Variants in KPNA6 observed in about 807,000 individuals in gnomAD.
KPNA6 encodes the protein importin subunit alpha-7.
In KPNA6, 9 loss-of-function variants were observed where a neutral mutation model predicts 72.0. The observed-to-expected ratio is 0.13, with a 90% CI of 0.08 to 0.22. KPNA6 has a LOEUF of 0.22. Among genes scored for constraint, KPNA6 ranks in the 10% least tolerant of loss-of-function variants. The pLI is 1.00. For missense variants in KPNA6, 374 were observed against 655.7 expected (o/e 0.57, Z 4.69); for synonymous variants, 219 against 242.1 (o/e 0.90, Z 0.89).
intron 1 of KPNA6, among the ~76,000 whole-genome samples, chr1:32,126,529 C>T (rs1053283208): frequency 2.0e-5 from 3 of 151,898 alleles, no homozygotes; most frequent in South Asian, 2.1e-4. Context: ...GGATTACAGG[C>T]GCCTGCCACT....
intron 1 of KPNA6, among the ~76,000 whole-genome samples, chr1:32,122,491 TGA>T (rs994627268): frequency 2.0e-5 from 3 of 151,228 alleles, no homozygotes. Flanking sequence ...AGCTAAGAAA[TGA>T]GAGAGGAGAG....
chr1:32,117,947 G>T (rs913766938), intron 1 of KPNA6, among the ~76,000 whole-genome samples: 2 of 151,690 alleles, frequency 1.3e-5, no homozygotes, highest in Non-Finnish European at 2.9e-5. Context: ...ATTTGATATG[G>T]AGTTTCGCTC....
chr1:32,165,720 G>A (rs570123503), intron 10 of KPNA6, among the ~76,000 whole-genome samples: 4 of 150,320 alleles, frequency 2.7e-5, no homozygotes, highest in Middle Eastern at 3.5e-3. Flanking sequence ...AAATGAAGCC[G>A]GGCACAGTGG....
chr1:32,154,490 G>C, intron 1 of KPNA6, 98 bp from the exon 2 acceptor site: 1 of 1,297,056 alleles, frequency 7.7e-7, no homozygotes, highest in African/African-American at 1.5e-5. Flanking sequence ...ATTCCCCCCA[G>C]AGTAGGGGAG....
chr1:32,137,887 C>A (rs889957452), intron 1 of KPNA6, among the ~76,000 whole-genome samples: 2 of 152,186 alleles, frequency 1.3e-5, no homozygotes, highest in African/African-American at 4.8e-5. Flanking sequence ...GTAGTCCCAG[C>A]ACATTTGGAG....
At chr1:32,137,392 C>CT (rs1487920674) in intron 1 of KPNA6, among the ~76,000 whole-genome samples, 3 of 152,120 alleles carry the variant, frequency 2.0e-5, no homozygotes, top group South Asian at 4.1e-4. Context: ...AGGCTGGTCT[C>CT]TAACTCCTGG....
chr1:32,164,104 G>C (rs193096017), intron 10 of KPNA6, among the ~76,000 whole-genome samples: 3 of 152,166 alleles, frequency 2.0e-5, no homozygotes, highest in Non-Finnish European at 2.9e-5. Context: ...TCTATTTTCT[G>C]TATCTGTGAG....
intron 1 of KPNA6, among the ~76,000 whole-genome samples, chr1:32,154,063 C>T (rs192582520): frequency 2.8e-4 from 43 of 151,984 alleles, no homozygotes; most frequent in Non-Finnish European, 5.7e-4. Flanking sequence ...AGGAGAATCA[C>T]GTGAGCCCAG....
chr1:32,165,507 GGAA>G lies in KPNA6; in HGVS notation c.991-595_991-593del, dbSNP rs561700720. Reference sequence around the variant, plus strand: ...AGTTTGAGACCAGCCCTGCAACATGGGAAGACCCTGTCTCTACAAAAAAAAAAA... The same window carrying G: ...AGTTTGAGACCAGCCCTGCAACATGGGACCCTGTCTCTACAAAAAAAAAAA... On this transcript the variant is annotated intron_variant, in intron 10 of 13. Transcript: ENST00000373625. Among the ~76,000 whole-genome samples, 772 of 151,972 alleles carry G rather than the reference GGAA, an allele frequency of 5.1e-3. 4 individuals are homozygous for G. Among genetic ancestry groups the G allele is most frequent in the Non-Finnish European group, 7.8e-3 (527 of 67,940 alleles).
At chr1:32,114,012 CTTAT>C (rs909356654) in intron 1 of KPNA6, among the ~76,000 whole-genome samples, 2 of 152,080 alleles carry the variant, frequency 1.3e-5, no homozygotes, top group African/African-American at 2.4e-5. Flanking sequence ...CTTCCAAACT[CTTAT>C]TTATGATATT....
intron 2 of KPNA6, among the ~76,000 whole-genome samples, chr1:32,156,188 T>TGCCTCC (rs1440545703): frequency 1.3e-5 from 2 of 152,116 alleles, no homozygotes; most frequent in Non-Finnish European, 2.9e-5. Flanking sequence ...CTGCTGCCTC[T>TGCCTCC]GCCTCCAAGT....
At chr1:32,130,025 A>G (rs1334183506) in intron 1 of KPNA6, among the ~76,000 whole-genome samples, 1 of 152,156 alleles carries the variant, frequency 6.6e-6, no homozygotes, top group African/African-American at 2.4e-5. Flanking sequence ...GTTATGCCTC[A>G]GTTTGCCTAC....
At chr1:32,136,765 G>C (rs1213464084) in intron 1 of KPNA6, among the ~76,000 whole-genome samples, 1 of 152,196 alleles carries the variant, frequency 6.6e-6, no homozygotes, top group East Asian at 1.9e-4. Context: ...GGAATAAGCA[G>C]AATGAGATTC....
chr1:32,119,006 A>G lies in KPNA6; in HGVS notation c.4+10872A>G, dbSNP rs1388911190. Among the ~76,000 whole-genome samples, 450 of 63,406 alleles carry G rather than the reference A, an allele frequency of 7.1e-3. 1 individual carries two copies. Among genetic ancestry groups the G allele is most frequent in the East Asian group, 0.024 (58 of 2,430 alleles). The allele number at this position is 63,406 out of a possible 152,430, so 41.6% of individuals were successfully genotyped here. A position where few individuals can be genotyped will look rare whatever the true frequency, so the allele number is the denominator to read the frequency against. On this transcript the variant is annotated intron_variant, in intron 1 of 13. Transcript: ENST00000373625. Reference sequence around the variant, plus strand: ...TGTGTGTGTGTGTATACATATATATATATATATATATATATATATATATAT... The same window carrying G: ...TGTGTGTGTGTGTATACATATATATGTATATATATATATATATATATATAT...
rs375094222 is a variant in KPNA6, at chr1:32,174,659, C to G, written c.*3765C>G. 6.6e-6 allele frequency: 1 copy of G among 152,166 alleles called. No individual in the cohort carries two copies. Among genetic ancestry groups the G allele is most frequent in the African/African-American group, 2.4e-5 (1 of 41,432 alleles). The allele number at this position is 152,166 out of a possible 1,614,324, so 9.4% of individuals were successfully genotyped here. A position where few individuals can be genotyped will look rare whatever the true frequency, so the allele number is the denominator to read the frequency against. On this transcript the variant is annotated 3_prime_UTR_variant, in exon 14 of 14. Transcript: ENST00000373625. ...TCATCTAGGGTTCAGATTCCAGACT[C>G]TCAGCTGAAGACAGGGAGCCAATTT...
At chr1:32,159,848 C>T (rs932612107) in intron 6 of KPNA6, among the ~76,000 whole-genome samples, 10 of 152,222 alleles carry the variant, frequency 6.6e-5, no homozygotes, top group Admixed American at 6.5e-4. Flanking sequence ...TTGGAAGTGC[C>T]ATTGGAAAAA....
rs1641449479 is a variant in KPNA6, at chr1:32,122,425, G to GTACT, written c.4+14293_4+14296dup. On this transcript the variant is annotated intron_variant, in intron 1 of 13. Coordinates refer to ENST00000373625, the MANE Select transcript of KPNA6 (RefSeq NM_012316.5). ...AAATGTCTAGTGAATTTAGCATCAT[G>GTACT]TACTTGGTAAGTGGCCTGTGCAAAG... Among the ~76,000 whole-genome samples, 4 of 151,392 alleles carry GTACT rather than the reference G, an allele frequency of 2.6e-5. No homozygotes were observed. In the South Asian group the frequency reaches 8.4e-4, roughly 32 times the overall value.
At chr1:32,145,920 G>A (rs897437130) in intron 1 of KPNA6, among the ~76,000 whole-genome samples, 24 of 152,066 alleles carry the variant, frequency 1.6e-4, no homozygotes, top group Non-Finnish European at 3.4e-4. Flanking sequence ...GAATTTTCTA[G>A]TTATCATTCT....
At chr1:32,168,380 G>A (rs942939861) in intron 12 of KPNA6, among the ~76,000 whole-genome samples, 13 of 152,148 alleles carry the variant, frequency 8.5e-5, no homozygotes, top group Non-Finnish European at 1.3e-4. Context: ...TAGTAGAAAC[G>A]GGGTTTCACC....
Sources: allele counts gnomAD v4.1 joint callset (sites outside exome capture counted in the v4.1 genomes callset), GRCh38; gene constraint gnomAD v4.1.1; transcripts MANE v1.5; gene names NCBI Gene and HGNC (gene_info 2026-07-23, HGNC 2026-07-21).